Variants in ZBTB7C observed in about 807,000 individuals in gnomAD.
The protein encoded by ZBTB7C is zinc finger and BTB domain-containing protein 7C.
In ZBTB7C, 8 loss-of-function variants were observed where a neutral mutation model predicts 25.7. The ratio of observed to expected loss-of-function variants is 0.31; its 90% CI spans 0.18 to 0.56. ZBTB7C has a LOEUF of 0.56. Among genes scored for constraint, ZBTB7C ranks in the 20% least tolerant of loss-of-function variants. The probability of loss-of-function intolerance (pLI) is 0.91; values close to 1 mark genes in which losing one functional copy is unlikely to be tolerated. For synonymous variants in ZBTB7C, 394 were observed against 369.0 expected (o/e 1.07, Z -0.78); for missense variants, 824 against 855.2 (o/e 0.96, Z 0.46).
chr18:48,166,052 T>C (rs146991021), intron 3 of ZBTB7C, among the ~76,000 whole-genome samples: 157 of 152,370 alleles, frequency 1.0e-3, no homozygotes, highest in Middle Eastern at 3.4e-3. Flanking sequence ...GAATAATTTT[T>C]TTTTAAATTG....
At chr18:48,136,008 G>A (rs2040142947) in intron 3 of ZBTB7C, among the ~76,000 whole-genome samples, 1 of 152,210 alleles carries the variant, frequency 6.6e-6, no homozygotes, top group South Asian at 2.1e-4. Flanking sequence ...GGAACAGAAA[G>A]GAGCGACCCT....
At chr18:48,256,238 T>G (rs1298010002) in intron 2 of ZBTB7C, among the ~76,000 whole-genome samples, 1 of 151,858 alleles carries the variant, frequency 6.6e-6, no homozygotes, top group East Asian at 1.9e-4. Context: ...TCAAAACCAA[T>G]AATAAAGACA....
At chr18:48,318,059 T>C (rs2045992154) in intron 2 of ZBTB7C, among the ~76,000 whole-genome samples, 3 of 151,966 alleles carry the variant, frequency 2.0e-5, no homozygotes, top group African/African-American at 7.2e-5. Flanking sequence ...TCGCCACACA[T>C]GCCCTCAGCT....
At chr18:48,280,613 T>G (rs1168171329) in intron 2 of ZBTB7C, among the ~76,000 whole-genome samples, 2 of 152,134 alleles carry the variant, frequency 1.3e-5, no homozygotes, top group Non-Finnish European at 2.9e-5. Flanking sequence ...CCCCCAACTC[T>G]GACCATATTT....
chr18:48,203,497 T>C (rs886936969), intron 2 of ZBTB7C: 1 of 152,260 alleles, frequency 6.6e-6, no homozygotes, highest in African/African-American at 2.4e-5. Context: ...TGCAAAAGAA[T>C]GGACTTCCTC....
chr18:48,053,457 T>C (rs1171121691), intron 3 of ZBTB7C, among the ~76,000 whole-genome samples: 1 of 152,258 alleles, frequency 6.6e-6, no homozygotes, highest in African/African-American at 2.4e-5. Flanking sequence ...AGATGTACTC[T>C]GGGTGCCCAT....
intron 3 of ZBTB7C, among the ~76,000 whole-genome samples, chr18:48,064,642 C>A (rs773910058): frequency 2.0e-5 from 3 of 152,162 alleles, no homozygotes; most frequent in Non-Finnish European, 4.4e-5. Flanking sequence ...ACTTAGGAGG[C>A]TGAAGTGGGA....
chr18:48,266,635 C>T (rs983862621), intron 2 of ZBTB7C, among the ~76,000 whole-genome samples: 2 of 152,212 alleles, frequency 1.3e-5, no homozygotes, highest in African/African-American at 2.4e-5. Context: ...TCCACACAAC[C>T]CCCCTAGCAT....
At chr18:48,167,578 G>GTT (rs1265787242) in intron 3 of ZBTB7C, among the ~76,000 whole-genome samples, 6,465 of 150,880 alleles carry the variant, frequency 0.043, 180 homozygotes, top group Middle Eastern at 0.088. Context: ...GTGTGTGTGT[G>GTT]TGTGTGTGTG....
At chr18:48,373,960 CA>C (rs34811374) in intron 1 of ZBTB7C, among the ~76,000 whole-genome samples, 79 of 139,436 alleles carry the variant, frequency 5.7e-4, no homozygotes, top group African/African-American at 7.1e-4. Flanking sequence ...GACTCTGTCT[CA>C]AAAAAAAAAA....
At chr18:48,328,493 T>C (rs1203494635) in intron 2 of ZBTB7C, among the ~76,000 whole-genome samples, 1 of 152,208 alleles carries the variant, frequency 6.6e-6, no homozygotes, top group African/African-American at 2.4e-5. Flanking sequence ...ACAAAGATCT[T>C]TCAAATTTAC....
At chr18:48,281,481 G>C (rs2044847632) in intron 2 of ZBTB7C, among the ~76,000 whole-genome samples, 1 of 152,172 alleles carries the variant, frequency 6.6e-6, no homozygotes, top group Admixed American at 6.5e-5. Flanking sequence ...CAACTAAAGA[G>C]CTTCTGCATA....
chr18:48,383,326 C>G (rs950551376), intron 1 of ZBTB7C, among the ~76,000 whole-genome samples: 1 of 152,134 alleles, frequency 6.6e-6, no homozygotes. Flanking sequence ...AGTGCAGTGG[C>G]GCGAACTCGG....
At chr18:48,197,414 C>T (rs2042343252) in intron 2 of ZBTB7C, among the ~76,000 whole-genome samples, 1 of 152,210 alleles carries the variant, frequency 6.6e-6, no homozygotes, top group Non-Finnish European at 1.5e-5. Flanking sequence ...GCCCCTGCTC[C>T]AGCCCTCTCC....
At chr18:48,304,473 G>T (rs1022656469) in intron 2 of ZBTB7C, among the ~76,000 whole-genome samples, 1 of 152,166 alleles carries the variant, frequency 6.6e-6, no homozygotes, top group Non-Finnish European at 1.5e-5. Context: ...TCAGGAGTTC[G>T]AGACCAGCCT....
intron 2 of ZBTB7C, among the ~76,000 whole-genome samples, chr18:48,314,772 C>T (rs1031364475): frequency 1.6e-4 from 24 of 152,282 alleles, no homozygotes; most frequent in African/African-American, 5.3e-4. Flanking sequence ...CCCCTAGAGA[C>T]TGCTGACAGC....
intron 3 of ZBTB7C, among the ~76,000 whole-genome samples, chr18:48,161,506 C>G (rs2144952916): frequency 6.6e-6 from 1 of 152,210 alleles, no homozygotes; most frequent in Admixed American, 6.5e-5. Flanking sequence ...CGGGCCCACG[C>G]TCCTCCAGTT....
intron 3 of ZBTB7C, among the ~76,000 whole-genome samples, chr18:48,176,954 C>T (rs1376873048): frequency 1.3e-5 from 2 of 152,212 alleles, no homozygotes. Context: ...CGTCTCTGCT[C>T]CCTCCTGTGG....
intron 2 of ZBTB7C, among the ~76,000 whole-genome samples, chr18:48,304,446 T>G (rs956537748): frequency 3.3e-5 from 5 of 151,728 alleles, no homozygotes; most frequent in African/African-American, 1.2e-4. Context: ...GAGGCCGAGG[T>G]GGGGGATCAC....
Sources: allele counts gnomAD v4.1 joint callset (sites outside exome capture counted in the v4.1 genomes callset), GRCh38; gene constraint gnomAD v4.1.1; transcripts MANE v1.5; gene names NCBI Gene and HGNC (gene_info 2026-07-23, HGNC 2026-07-21).